The following TBC1D2B variants were observed in gnomAD, a reference collection of about 807,000 sequenced individuals.
The protein encoded by TBC1D2B is TBC1 domain family, member 2B.
Under a neutral mutation model 100.8 loss-of-function variants are expected in TBC1D2B, and 64 were observed. The ratio of observed to expected loss-of-function variants is 0.64; its 90% CI spans 0.52 to 0.78. The LOEUF (loss-of-function observed/expected upper bound fraction) is 0.78, where lower values mean the gene tolerates loss of function less well. Among genes scored for constraint, TBC1D2B ranks in the 30% least tolerant of loss-of-function variants. The pLI is 0.00. For synonymous variants in TBC1D2B, 480 were observed against 479.7 expected, an observed-to-expected ratio of 1.00 and a Z score of -0.01; for missense variants, 1,052 against 1,218.4, an observed-to-expected ratio of 0.86 and a Z score of 2.03.
chr15:78,011,581 C>G (rs1465390620), intron 9 of TBC1D2B, among the ~76,000 whole-genome samples: 1 of 151,104 alleles, frequency 6.6e-6, no homozygotes, highest in Non-Finnish European at 1.5e-5. Context: ...AGCGATCCTC[C>G]CACCTCAACC....
intron 1 of TBC1D2B, among the ~76,000 whole-genome samples, chr15:78,062,100 C>T (rs1441286788): frequency 1.3e-5 from 2 of 152,160 alleles, no homozygotes; most frequent in Non-Finnish European, 2.9e-5. Flanking sequence ...ACTGTAAGCC[C>T]CGGAGCTGCT....
intron 1 of TBC1D2B, among the ~76,000 whole-genome samples, chr15:78,060,474 CAA>C (rs33986857): frequency 0.62 from 83,418 of 134,812 alleles, 24,811 homozygotes; most frequent in Admixed American, 0.64. Flanking sequence ...CACATCACTA[CAA>C]AAAAAAAAAA....
chr15:78,048,433 G>A (rs546599555), intron 2 of TBC1D2B, among the ~76,000 whole-genome samples: 5 of 152,264 alleles, frequency 3.3e-5, no homozygotes, highest in African/African-American at 9.6e-5. Context: ...ACTAGGACAT[G>A]GCAACATTTC....
chr15:78,032,860 G>GA (rs1197730296), intron 3 of TBC1D2B, among the ~76,000 whole-genome samples: 1 of 151,834 alleles, frequency 6.6e-6, no homozygotes, highest in African/African-American at 2.4e-5. Context: ...AACAACAAAT[G>GA]AAAAAAAGGA....
At chr15:78,064,266 G>A (rs1451841458) in intron 1 of TBC1D2B, among the ~76,000 whole-genome samples, 1 of 152,050 alleles carries the variant, frequency 6.6e-6, no homozygotes, top group East Asian at 1.9e-4. Flanking sequence ...TCTATGTGAC[G>A]CACACCATCT....
chr15:78,026,154 T>G (rs532178622), intron 4 of TBC1D2B, among the ~76,000 whole-genome samples: 115 of 150,858 alleles, frequency 7.6e-4, no homozygotes, highest in African/African-American at 2.3e-3. Context: ...TTTTGTTGTT[T>G]TTTTTTTTTT....
At chr15:78,042,971 G>A (rs1183110262) in intron 3 of TBC1D2B, among the ~76,000 whole-genome samples, 1 of 152,156 alleles carries the variant, frequency 6.6e-6, no homozygotes, top group Non-Finnish European at 1.5e-5. Flanking sequence ...GCAGCCACAA[G>A]CCAGGATGAG....
chr15:78,041,970 C>T (rs12916362), intron 3 of TBC1D2B, among the ~76,000 whole-genome samples: 74,834 of 152,086 alleles, frequency 0.49, 19,204 homozygotes, highest in East Asian at 0.63. Context: ...GAAACGGAGG[C>T]ACAGAATATT....
chr15:78,056,950 T>G (rs2073437917), intron 1 of TBC1D2B, among the ~76,000 whole-genome samples: 1 of 151,894 alleles, frequency 6.6e-6, no homozygotes, highest in African/African-American at 2.4e-5. Flanking sequence ...GCCAGGGAGG[T>G]GCCCAGACAC....
intron 3 of TBC1D2B, among the ~76,000 whole-genome samples, chr15:78,036,995 T>C (rs965666828): frequency 3.3e-5 from 5 of 152,174 alleles, no homozygotes; most frequent in Non-Finnish European, 7.4e-5. Context: ...GACATTTACC[T>C]GGACAGATGA....
rs551822649 is a variant in TBC1D2B, at chr15:78,017,496, T to C, written c.1581+351A>G. Among the ~76,000 whole-genome samples the C allele has an allele frequency of 3.3e-5, 5 of 152,360 alleles. 1 individual carries two copies. The South Asian group carries it at 1.0e-3, about 32-fold the overall frequency. ...ATAATTATGTACTTACTTTGTTTTC[T>C]TCAAAATCTATTAAAAATGCTTATG... On this transcript the variant is annotated intron_variant, in intron 7 of 12. Transcript: ENST00000300584.
intron 8 of TBC1D2B, among the ~76,000 whole-genome samples, chr15:78,015,062 G>A (rs373123424): frequency 6.6e-6 from 1 of 152,218 alleles, no homozygotes; most frequent in African/African-American, 2.4e-5. Flanking sequence ...TTAGCCGGGC[G>A]TGGTGGTGGG....
chr15:78,013,069 C>A lies in TBC1D2B; in HGVS notation c.2024G>T (p.Cys675Phe). 1.2e-6 allele frequency: 2 copies of A among 1,614,010 alleles called. No homozygotes were observed. Among genetic ancestry groups the A allele is most frequent in the Non-Finnish European group, 1.7e-6 (2 of 1,179,890 alleles). ...GAACTTCCTGGTGTGACGGTCCACA[C>A]ACCACTTCCACACCTTGGAACGGTG... The part of the protein sequence containing the change: ...HEHRSKVWKW[C>F]VDRHTRKFKD... The change falls in exon 9 of 13, where the codon TGT becomes TTT. Residue 675 changes from cysteine to phenylalanine, a missense_variant. Cys to Phe is a radical substitution (Grantham distance 205, BLOSUM62 -2). This residue lies in a region of TBC1D2B where 373 missense variants were observed against 464.9 expected (regional missense o/e 0.80). Transcript: ENST00000300584.
chr15:78,011,599 T>C (rs1235066851), intron 9 of TBC1D2B, among the ~76,000 whole-genome samples: 1 of 146,792 alleles, frequency 6.8e-6, no homozygotes, highest in African/African-American at 2.5e-5. Context: ...ACCTCCCAAG[T>C]AGCTGGGATT....
rs368714497 is a variant in TBC1D2B, at chr15:78,056,686, C to CTTTTTT, written c.361-2505_361-2500dup. ...AGCCCAAAGCCCACCCAGTCCTCCT[C>CTTTTTT]TTTTTTTTTTTTTTTTTTTTTTTTT... On this transcript the variant is annotated intron_variant, in intron 1 of 12. Transcript: ENST00000300584. Among the ~76,000 whole-genome samples, 19 of 112,920 alleles carry CTTTTTT rather than the reference C, an allele frequency of 1.7e-4. 1 individual carries two copies. Among genetic ancestry groups the CTTTTTT allele is most frequent in the African/African-American group, 6.3e-4 (16 of 25,298 alleles). 74.1% of individuals were successfully genotyped at this position (112,920 alleles called of 152,430 possible).
intron 3 of TBC1D2B, among the ~76,000 whole-genome samples, chr15:78,031,306 T>G (rs113190974): frequency 6.6e-6 from 1 of 151,992 alleles, no homozygotes; most frequent in Non-Finnish European, 1.5e-5. Context: ...GTAATCCCAG[T>G]ACTTTGGGAG....
intron 1 of TBC1D2B, among the ~76,000 whole-genome samples, chr15:78,060,379 A>AG (rs2073517222): frequency 6.6e-6 from 1 of 151,482 alleles, no homozygotes; most frequent in South Asian, 2.1e-4. Flanking sequence ...GGCTCATGCC[A>AG]GTAATCTTAG....
intron 1 of TBC1D2B, among the ~76,000 whole-genome samples, chr15:78,061,319 T>C (rs1277272536): frequency 1.3e-5 from 2 of 151,964 alleles, no homozygotes; most frequent in Non-Finnish European, 2.9e-5. Context: ...ACACCTATAA[T>C]CCCAGCACTT....
chr15:77,998,226 G>C lies in TBC1D2B; in HGVS notation c.2826C>G (p.Phe942Leu). Residue 942 changes from phenylalanine to leucine, a missense_variant, in exon 13 of 13, where the codon TTC (phenylalanine) becomes TTG (leucine). Phe to Leu is a conservative substitution (Grantham distance 22). Around this residue, in one of 4 missense-constraint regions of TBC1D2B, gnomAD observed 47 missense variants for 88.3 expected, o/e 0.53. Coordinates refer to ENST00000300584, the MANE Select transcript of TBC1D2B (RefSeq NM_144572.2). ...LTELEAIRED[F>L]LRERDTSPDK... The stretch of plus-strand genomic sequence containing the variant: ...CAGGGCTGGTGTCCCGCTCACGCAG[G>C]AAGTCCTCACGGATGGCCTCCAGCT... 6.3e-7 allele frequency: 1 copy of C among 1,580,476 alleles called. No individual in the cohort carries two copies.
Sources: allele counts gnomAD v4.1 joint callset (sites outside exome capture counted in the v4.1 genomes callset), GRCh38; gene constraint gnomAD v4.1.1; regional missense constraint gnomAD v4.1.1; transcripts MANE v1.5; gene names NCBI Gene and HGNC (gene_info 2026-07-23, HGNC 2026-07-21).